Variants in CADPS observed in about 807,000 individuals in gnomAD.
CADPS encodes calcium-dependent secretion activator 1.
In CADPS, 57 loss-of-function variants were observed where a neutral mutation model predicts 167.3. The observed-to-expected ratio is 0.34, with a 90% CI of 0.28 to 0.42. CADPS has a LOEUF of 0.42. Ranked by LOEUF, CADPS falls within the 20% of genes least tolerant of loss-of-function variation. The pLI is 1.00. For missense variants in CADPS, 1,414 were observed against 1,738.1 expected (o/e 0.81, Z 3.32); for synonymous variants, 676 against 635.3 (o/e 1.06, Z -0.96).
chr3:62,663,661 G>T (rs573818256), intron 3 of CADPS, among the ~76,000 whole-genome samples: 1 of 145,664 alleles, frequency 6.9e-6, no homozygotes, highest in African/African-American at 2.5e-5. Flanking sequence ...AAATGATATA[G>T]CAAATAAGTT....
chr3:62,563,709 GAGTCCCCAA>G (rs2079584842), intron 9 of CADPS, among the ~76,000 whole-genome samples: 2 of 151,764 alleles, frequency 1.3e-5, no homozygotes, highest in Admixed American at 6.6e-5. Flanking sequence ...CTTTCCCCCT[GAGTCCCCAA>G]AGTCCATCGT....
chr3:62,566,444 T>C (rs1403214269), intron 9 of CADPS, among the ~76,000 whole-genome samples: 2 of 152,218 alleles, frequency 1.3e-5, no homozygotes. Flanking sequence ...TGAGACATTT[T>C]AGCTTCCTCT....
chr3:62,788,116 G>C (rs970436583), intron 1 of CADPS, among the ~76,000 whole-genome samples: 4 of 152,208 alleles, frequency 2.6e-5, no homozygotes, highest in Non-Finnish European at 5.9e-5. Context: ...AGGCCCGCTT[G>C]AATGATGTGA....
chr3:62,434,832 C>T (rs1237433219), intron 28 of CADPS, among the ~76,000 whole-genome samples: 1 of 152,186 alleles, frequency 6.6e-6, no homozygotes, highest in African/African-American at 2.4e-5. Flanking sequence ...TCTACAAGGG[C>T]ACACTCAGAA....
intron 17 of CADPS, among the ~76,000 whole-genome samples, chr3:62,511,109 G>A (rs1175259258): frequency 1.3e-5 from 2 of 152,058 alleles, no homozygotes; most frequent in African/African-American, 2.4e-5. Context: ...CACCTTTGCA[G>A]TTGAGACCTG....
chr3:62,674,062 T>C (rs2075975440), intron 3 of CADPS, among the ~76,000 whole-genome samples: 1 of 152,148 alleles, frequency 6.6e-6, no homozygotes, highest in Non-Finnish European at 1.5e-5. Flanking sequence ...ATAAAATTAT[T>C]CACAAGGTCA....
chr3:62,419,064 T>C (rs1301516659), intron 28 of CADPS, among the ~76,000 whole-genome samples: 2 of 152,148 alleles, frequency 1.3e-5, no homozygotes, highest in Non-Finnish European at 2.9e-5. Context: ...GTAGCAAACA[T>C]CAGAAGCTGA....
chr3:62,785,312 T>C (rs2092313294), intron 1 of CADPS, among the ~76,000 whole-genome samples: 1 of 152,224 alleles, frequency 6.6e-6, no homozygotes, highest in Non-Finnish European at 1.5e-5. Context: ...TTTATAGCAA[T>C]GTAACTTTCC....
chr3:62,645,193 T>C (rs537592264), intron 6 of CADPS, among the ~76,000 whole-genome samples: 1 of 152,158 alleles, frequency 6.6e-6, no homozygotes, highest in Non-Finnish European at 1.5e-5. Context: ...CTTTGGGGAC[T>C]CAGGGGAAAG....
chr3:62,730,763 T>A (rs1269157210), intron 3 of CADPS, among the ~76,000 whole-genome samples: 1 of 152,232 alleles, frequency 6.6e-6, no homozygotes, highest in Non-Finnish European at 1.5e-5. Flanking sequence ...ATGAGTTGCA[T>A]ACTTTCCTGA....
At chr3:62,615,657 C>T (rs1225055742) in intron 6 of CADPS, among the ~76,000 whole-genome samples, 1 of 152,104 alleles carries the variant, frequency 6.6e-6, no homozygotes, top group East Asian at 1.9e-4. Context: ...GTGACTGTCT[C>T]ACAATATTGT....
intron 1 of CADPS, among the ~76,000 whole-genome samples, chr3:62,836,555 CGTGT>C (rs142841242): frequency 3.3e-5 from 5 of 152,094 alleles, no homozygotes; most frequent in Non-Finnish European, 7.4e-5. Flanking sequence ...GAAGTTAACC[CGTGT>C]GTGTGTGTCT....
At chr3:62,836,697 A>C (rs1484008758) in intron 1 of CADPS, among the ~76,000 whole-genome samples, 1 of 152,168 alleles carries the variant, frequency 6.6e-6, no homozygotes, top group Non-Finnish European at 1.5e-5. Context: ...TTTAAAGTAC[A>C]CTGTACCATG....
chr3:62,400,303 G>T (rs1211842698), intron 29 of CADPS, among the ~76,000 whole-genome samples: 2 of 152,134 alleles, frequency 1.3e-5, no homozygotes, highest in Admixed American at 6.5e-5. Flanking sequence ...TTCTTTCTTT[G>T]TTCCTTCAGG....
At chr3:62,819,515 C>T (rs2094797997) in intron 1 of CADPS, among the ~76,000 whole-genome samples, 1 of 151,592 alleles carries the variant, frequency 6.6e-6, no homozygotes, top group Admixed American at 6.6e-5. Context: ...AAAGGCATGG[C>T]CCCCCCTTCA....
At chr3:62,569,267 A>AT (rs576605917) in intron 9 of CADPS, among the ~76,000 whole-genome samples, 372 of 152,160 alleles carry the variant, frequency 2.4e-3, no homozygotes, top group African/African-American at 8.4e-3. Context: ...TACCCGGCTA[A>AT]TTTTTTGTAC....
At chr3:62,638,095 GTATA>G in intron 6 of CADPS, among the ~76,000 whole-genome samples, 1 of 28,726 alleles carries the variant, frequency 3.5e-5, no homozygotes, top group South Asian at 2.0e-3. Context: ...ATATATATAT[GTATA>G]TATATATAGC....
At chr3:62,771,723 T>C (rs1053395969) in intron 1 of CADPS, among the ~76,000 whole-genome samples, 2 of 152,146 alleles carry the variant, frequency 1.3e-5, no homozygotes, top group African/African-American at 4.8e-5. Flanking sequence ...TGGAAGGTGA[T>C]TATTGTAGAA....
At chr3:62,711,363 G>T (rs1231018013) in intron 3 of CADPS, among the ~76,000 whole-genome samples, 1 of 152,068 alleles carries the variant, frequency 6.6e-6, no homozygotes, top group Admixed American at 6.6e-5. Flanking sequence ...GTATTATTTT[G>T]GTTTGTTGCC....
Sources: allele counts gnomAD v4.1 joint callset (sites outside exome capture counted in the v4.1 genomes callset), GRCh38; gene constraint gnomAD v4.1.1; transcripts MANE v1.5; gene names NCBI Gene and HGNC (gene_info 2026-07-23, HGNC 2026-07-21).